Variants in AGRN observed in about 807,000 individuals in gnomAD.
The protein encoded by AGRN is agrin proteoglycan.
AGRN carries 106 observed loss-of-function variants against 211.0 expected under a neutral mutation model. The ratio of observed to expected loss-of-function variants is 0.50; its 90% CI spans 0.43 to 0.59. The LOEUF is 0.59. Among genes scored for constraint, AGRN ranks in the 20% least tolerant of loss-of-function variants. AGRN has a pLI of 0.00. For synonymous variants in AGRN, 1,525 were observed against 1,332.5 expected (o/e 1.14, Z -3.15); for missense variants, 3,040 against 2,982.6 (o/e 1.02, Z -0.45).
intron 2 of AGRN, chr1:1,034,175 G>C: frequency 3.0e-6 from 3 of 985,332 alleles, no homozygotes; most frequent in South Asian, 4.7e-5. Flanking sequence ...CCCGGCCCCC[G>C]CGCACCTGCC....
In AGRN at chr1:1,040,764, G is replaced by A; in HGVS notation, c.611G>A (p.Ser204Asn). The A allele has an allele frequency of 6.5e-7, 1 of 1,541,892 alleles. No homozygotes were observed. The highest frequency in any genetic ancestry group is 8.7e-7 in the Non-Finnish European group (1 of 1,147,340). Residue 204 changes from serine to asparagine, a missense_variant, in exon 4 of 36, where the codon AGC becomes AAC. Physicochemically the swap from Ser to Asn is conservative, Grantham distance 46 (BLOSUM62 1). This residue lies in a region of AGRN where 1,498 missense variants were observed against 1,457.8 expected (regional missense o/e 1.03). Transcript: ENST00000379370. ...SCVCKKSPCP[S>N]VVAPVCGSDA... The stretch of plus-strand genomic sequence containing the variant: ...GTCTGCAAGAAGAGCCCGTGCCCCA[G>A]CGTGGTGGCGCCTGTGTGTGGGTCG...
chr1:1,036,628 G>A (rs1644810356), intron 3 of AGRN, among the ~76,000 whole-genome samples: 1 of 152,108 alleles, frequency 6.6e-6, no homozygotes, highest in African/African-American at 2.4e-5. Flanking sequence ...GGGGAATGGT[G>A]GCTGTGGGAA....
rs371822179 is a variant in AGRN, at chr1:1,045,329, A to G, written c.2372-30A>G. On this transcript the variant is annotated intron_variant, in intron 13 of 35. Transcript: ENST00000379370. The stretch of plus-strand genomic sequence containing the variant: ...CCGGGCCTGGTGCGGCTGTGCGGCC[A>G]CGTGACCTTGTCCTGCCCTGGCCTT... The G allele has an allele frequency of 7.3e-5, 117 of 1,611,978 alleles. No homozygotes were observed. In the Middle Eastern group the frequency reaches 1.2e-3, roughly 16 times the overall value.
intron 33 of AGRN, 141 bp from the exon 34 acceptor site, chr1:1,053,612 G>T: frequency 6.7e-7 from 1 of 1,493,164 alleles, no homozygotes; most frequent in Admixed American, 2.0e-5. Flanking sequence ...CCCTCCCACT[G>T]TCGGTGTCTG....
At position 1,041,757 on chromosome 1, in the gene AGRN, G is replaced by A. The variant is rs866102628; in HGVS notation, c.1177+55G>A. 7.5e-5 allele frequency: 112 copies of A among 1,486,272 alleles called. No individual in the cohort carries two copies. In the Middle Eastern group the frequency reaches 9.6e-4, roughly 13 times the overall value. 92.1% of individuals were successfully genotyped at this position (1,486,272 alleles called of 1,614,324 possible). On this transcript the variant is annotated intron_variant, in intron 6 of 35. Transcript: ENST00000379370. Reference sequence around the variant, plus strand: ...GCCAGTGCCAGGGTCGAGGTGGGCGGCTCCCCCGGGGGAGGGCTCCGGCCA... The same window carrying A: ...GCCAGTGCCAGGGTCGAGGTGGGCGACTCCCCCGGGGGAGGGCTCCGGCCA...
At chr1:1,053,665 C>T in intron 33 of AGRN, 88 bp from the exon 34 acceptor site, 2 of 1,506,730 alleles carry the variant, frequency 1.3e-6, no homozygotes, top group Non-Finnish European at 1.8e-6. Context: ...CTTGTGGCCT[C>T]CGCAGCTGGG....
chr1:1,035,910 CG>C (rs1244657582), intron 3 of AGRN, among the ~76,000 whole-genome samples: 3 of 152,046 alleles, frequency 2.0e-5, no homozygotes, highest in Non-Finnish European at 4.4e-5. Flanking sequence ...CTGTCCTCCC[CG>C]GGGTGCTCCT....
rs1644674993 is a variant in AGRN, at chr1:1,031,426, C to T, written c.464-3851C>T. ...CTGAAGATCCCAAAATAGCTCATGT[C>T]GCCTGAGCTCCCTCCCTGGCTGGGC... On this transcript the variant is annotated intron_variant, in intron 2 of 35. Coordinates refer to ENST00000379370, the MANE Select transcript of AGRN (RefSeq NM_198576.4). The surrounding 1 kb of genome is among the most constrained non-coding windows in gnomAD (Gnocchi z 4.8). Among the ~76,000 whole-genome samples the T allele has an allele frequency of 2.0e-5, 3 of 152,144 alleles. No homozygotes were observed. Among genetic ancestry groups the T allele is most frequent in the Admixed American group, 2.0e-4 (3 of 15,292 alleles).
Position 1,048,289 on chromosome 1 carries a change from C to A in AGRN, c.4029C>A (p.Thr1343=). Reference sequence around the variant, plus strand: ...CACAGCCCTGCTTCCACGGGGGGACCTGCCAGGACTGGGCATTGGGCGGGG... The same window carrying A: ...CACAGCCCTGCTTCCACGGGGGGACATGCCAGGACTGGGCATTGGGCGGGG... The part of the protein sequence containing the change: ...CDSQPCFHGG[T]CQDWALGGGF... Residue 1343 remains threonine, a synonymous_variant, in exon 23 of 36, where the codon ACC becomes ACA. Transcript: ENST00000379370. This position sits in a 1 kb window ranked among gnomAD's most constrained non-coding sequence, Gnocchi z 5.9. 6.6e-7 allele frequency: 1 copy of A among 1,515,988 alleles called. No homozygotes were observed. Among genetic ancestry groups the A allele is most frequent in the African/African-American group, 1.4e-5 (1 of 73,014 alleles). 93.9% of individuals were successfully genotyped at this position (1,515,988 alleles called of 1,614,324 possible).
chr1:1,048,797 G>A lies in AGRN; in HGVS notation c.4106-70G>A, dbSNP rs1295622939. Reference sequence around the variant, plus strand: ...AAAAAAAAAAAAAAAAAAGCAGGGGGCGGTTTCAGGGATAAAAGTGGGGAA... The same window carrying A: ...AAAAAAAAAAAAAAAAAAGCAGGGGACGGTTTCAGGGATAAAAGTGGGGAA... On this transcript the variant is annotated intron_variant, in intron 23 of 35. Transcript: ENST00000379370. This position sits in a 1 kb window ranked among gnomAD's most constrained non-coding sequence, Gnocchi z 5.9. 25 of 1,253,902 alleles carry A rather than the reference G, an allele frequency of 2.0e-5. No individual in the cohort carries two copies. The highest frequency in any genetic ancestry group is 2.8e-5 in the Admixed American group (1 of 35,236). 77.7% of individuals were successfully genotyped at this position (1,253,902 alleles called of 1,614,324 possible). A position where few individuals can be genotyped will look rare whatever the true frequency, so the allele number is the denominator to read the frequency against.
chr1:1,047,054 T>C (rs149445209), intron 19 of AGRN, 97 bp downstream of exon 19: 7 of 1,526,168 alleles, frequency 4.6e-6, no homozygotes, highest in African/African-American at 4.1e-5. Flanking sequence ...CCGGGGGTTA[T>C]GGTCTTGGGA....
In AGRN at chr1:1,053,150, C is replaced by G. The variant is rs1557724916; in HGVS notation, c.5652-603C>G. ...CACCCTACGCCTACCTCCTTGATCTCTGCGCCCAGCCTTGGCTGTGCTCCC... is the reference window on the plus strand; with the variant it reads ...CACCCTACGCCTACCTCCTTGATCTGTGCGCCCAGCCTTGGCTGTGCTCCC... On this transcript the variant is annotated intron_variant, in intron 33 of 35. Coordinates refer to ENST00000379370, the MANE Select transcript of AGRN (RefSeq NM_198576.4). 3 of 292,082 alleles carry G rather than the reference C, an allele frequency of 1.0e-5. No individual in the cohort carries two copies. The East Asian group carries it at 3.1e-4, about 30-fold the overall frequency. The allele number at this position is 292,082 out of a possible 1,614,324, so 18.1% of individuals were successfully genotyped here. A position where few individuals can be genotyped will look rare whatever the true frequency, so the allele number is the denominator to read the frequency against.
intron 2 of AGRN, chr1:1,034,745 AC>A (rs1203070901): frequency 5.0e-6 from 5 of 1,005,870 alleles, no homozygotes; most frequent in Non-Finnish European, 4.8e-6. Flanking sequence ...CCAAGCCCCA[AC>A]CCCGAGGCCC....
chr1:1,022,510 G>A, intron 2 of AGRN, 48 bp downstream of exon 2: 1 of 1,570,076 alleles, frequency 6.4e-7, no homozygotes, highest in Non-Finnish European at 8.6e-7. Context: ...TCAGGGCAGT[G>A]GCCAAGGGGG....
intron 15 of AGRN, 32 bp downstream of exon 15, chr1:1,045,908 C>T (rs926967892): frequency 1.2e-5 from 20 of 1,610,590 alleles, no homozygotes; most frequent in Non-Finnish European, 1.7e-5. Flanking sequence ...CCTGGGGCTT[C>T]ATGGGGTGGG....
At position 1,043,338 on chromosome 1, in the gene AGRN, C is replaced by T. The variant is rs753280577; in HGVS notation, c.1484C>T (p.Ser495Leu). Residue 495 changes from serine (S) to leucine (L), a missense_variant, in exon 8 of 36, where the codon TCG becomes TTG. Around this residue, in one of 3 missense-constraint regions of AGRN, gnomAD observed 1,498 missense variants for 1,457.8 expected, o/e 1.03. Transcript: ENST00000379370. ...GCGTGTGAATGCCTGCAGGCGTGCT[C>T]GAGCCTCTACGATCCTGTGTGCGGC... ...QAACECLQACSSLYDPVCGSD... is the reference protein window; with the variant it reads ...QAACECLQACLSLYDPVCGSD... The T allele has an allele frequency of 5.5e-5, 88 of 1,604,678 alleles. No individual in the cohort carries two copies. Among genetic ancestry groups the T allele is most frequent in the Non-Finnish European group, 7.1e-5 (84 of 1,177,436 alleles).
intron 1 of AGRN, among the ~76,000 whole-genome samples, chr1:1,020,682 G>GT (rs1314605699): frequency 1.3e-5 from 1 of 74,830 alleles, no homozygotes; most frequent in South Asian, 4.4e-4. Flanking sequence ...GGCCTGGGGA[G>GT]GGGGGGCCTT....
Position 1,041,642 on chromosome 1 carries a change from T to C in AGRN, c.1117T>C (p.Ser373Pro). 1 of 1,610,962 alleles carries C rather than the reference T, an allele frequency of 6.2e-7. No individual in the cohort carries two copies. The highest frequency in any genetic ancestry group is 8.5e-7 in the Non-Finnish European group (1 of 1,179,108). Residue 373 changes from serine to proline, a missense_variant, in exon 6 of 36, where the codon TCG (serine) becomes CCG (proline). Transcript: ENST00000379370. ...CGAAAACGACTGTGTCATGGGCCGATCGGGGGCCGCCCGGGGTCTCCTCCT... is the reference window on the plus strand; with the variant it reads ...CGAAAACGACTGTGTCATGGGCCGACCGGGGGCCGCCCGGGGTCTCCTCCT... ...TYENDCVMGR[S>P]GAARGLLLQK...
intron 2 of AGRN, among the ~76,000 whole-genome samples, chr1:1,030,060 CATGT>C (rs1644624430): frequency 1.9e-5 from 2 of 103,652 alleles, no homozygotes; most frequent in African/African-American, 4.3e-5. Context: ...GTGAGATCAG[CATGT>C]GTGTGTGTGT....
Sources: allele counts gnomAD v4.1 joint callset (sites outside exome capture counted in the v4.1 genomes callset), GRCh38; gene constraint gnomAD v4.1.1; regional missense constraint gnomAD v4.1.1; non-coding constraint Gnocchi (gnomAD v3.1); transcripts MANE v1.5; gene names NCBI Gene and HGNC (gene_info 2026-07-23, HGNC 2026-07-21).